DNAH8: variants seen among roughly 807,000 people sequenced by gnomAD.
DNAH8 encodes the protein axonemal beta dynein heavy chain 8.
Under a neutral mutation model 562.1 loss-of-function variants are expected in DNAH8, and 382 were observed. The observed-to-expected ratio is 0.68, with a 90% CI of 0.63 to 0.74. The LOEUF is 0.74. Ranked by LOEUF, DNAH8 falls within the 30% of genes least tolerant of loss-of-function variation. DNAH8 has a pLI of 0.00. For missense variants in DNAH8, 5,203 were observed against 5,620.4 expected (o/e 0.93, Z 2.37); for synonymous variants, 1,881 against 1,919.4 (o/e 0.98, Z 0.52).
chr6:38,820,607 A>G (rs1772733412), intron 26 of DNAH8, among the ~76,000 whole-genome samples: 1 of 152,184 alleles, frequency 6.6e-6, no homozygotes, highest in African/African-American at 2.4e-5. Context: ...AATTTAAATG[A>G]CCATGCTGAA....
At chr6:38,907,605 G>A (rs534201727) in intron 63 of DNAH8, among the ~76,000 whole-genome samples, 35 of 152,298 alleles carry the variant, frequency 2.3e-4, no homozygotes, top group African/African-American at 7.9e-4. Flanking sequence ...ATGCTTAATG[G>A]TGCAAAAATT....
chr6:38,812,723 G>T (rs1174803610), intron 24 of DNAH8, among the ~76,000 whole-genome samples: 1 of 148,330 alleles, frequency 6.7e-6, no homozygotes, highest in Admixed American at 6.9e-5. Flanking sequence ...GGCACCTAGA[G>T]AATCTCTTGA....
chr6:38,881,411 A>C (rs1778466288), intron 53 of DNAH8, among the ~76,000 whole-genome samples: 2 of 152,244 alleles, frequency 1.3e-5, no homozygotes, highest in African/African-American at 2.4e-5. Flanking sequence ...AAACGTATCA[A>C]TGAAAGTAAT....
chr6:38,900,536 A>G (rs968909360), intron 62 of DNAH8, among the ~76,000 whole-genome samples: 1 of 151,904 alleles, frequency 6.6e-6, no homozygotes, highest in East Asian at 1.9e-4. Context: ...GGTTGTACCA[A>G]TTTACACTTC....
chr6:38,920,475 C>T (rs1385094424), intron 70 of DNAH8, among the ~76,000 whole-genome samples: 2 of 152,152 alleles, frequency 1.3e-5, no homozygotes, highest in African/African-American at 4.8e-5. Flanking sequence ...CAGATCATTA[C>T]CACATTGTAG....
chr6:38,728,053 C>T (rs537567816), intron 3 of DNAH8, among the ~76,000 whole-genome samples: 1 of 152,266 alleles, frequency 6.6e-6, no homozygotes, highest in East Asian at 1.9e-4. Flanking sequence ...GCAGCCTCAA[C>T]CTCCCAGACT....
At chr6:38,982,952 T>C (rs1196205314) in intron 86 of DNAH8, among the ~76,000 whole-genome samples, 1 of 152,228 alleles carries the variant, frequency 6.6e-6, no homozygotes, top group Admixed American at 6.5e-5. Flanking sequence ...GGATCTCACT[T>C]TTATCTTCAC....
At chr6:38,955,270 G>T (rs982963060) in intron 82 of DNAH8, among the ~76,000 whole-genome samples, 4 of 151,946 alleles carry the variant, frequency 2.6e-5, no homozygotes, top group African/African-American at 9.7e-5. Context: ...CACTTCATCT[G>T]GCCCATTTTC....
At chr6:39,021,281 A>T (rs1350023625) in intron 91 of DNAH8, among the ~76,000 whole-genome samples, 1 of 152,164 alleles carries the variant, frequency 6.6e-6, no homozygotes, top group Non-Finnish European at 1.5e-5. Context: ...GAAATGCAGA[A>T]TTTCAGGCCC....
intron 4 of DNAH8, among the ~76,000 whole-genome samples, chr6:38,733,036 A>T (rs1049151903): frequency 6.6e-6 from 1 of 152,230 alleles, no homozygotes; most frequent in East Asian, 1.9e-4. Flanking sequence ...CTACAGGCAC[A>T]TGCCACCACA....
intron 6 of DNAH8, 30 bp downstream of exon 6, chr6:38,737,286 T>C: frequency 7.5e-7 from 1 of 1,328,674 alleles, no homozygotes; most frequent in East Asian, 2.7e-5. Context: ...TTTAGCAAAT[T>C]GCAAAAAAGA....
chr6:38,965,375 T>C (rs1427590555), intron 82 of DNAH8, among the ~76,000 whole-genome samples: 1 of 152,148 alleles, frequency 6.6e-6, no homozygotes, highest in Non-Finnish European at 1.5e-5. Context: ...AATTTTGAAA[T>C]GAAGGTAAGG....
intron 91 of DNAH8, 113 bp from the exon 92 acceptor site, chr6:39,026,433 A>T: frequency 8.8e-7 from 1 of 1,132,444 alleles, no homozygotes; most frequent in Non-Finnish European, 1.2e-6. Flanking sequence ...ACTCCTTTTG[A>T]GATGGATGTG....
intron 58 of DNAH8, among the ~76,000 whole-genome samples, chr6:38,891,640 C>T (rs1779347921): frequency 6.6e-6 from 1 of 152,226 alleles, no homozygotes; most frequent in Non-Finnish European, 1.5e-5. Flanking sequence ...AGGGCCTTTG[C>T]ACATGCCATT....
chr6:38,809,138 T>C (rs1771566228), intron 24 of DNAH8, among the ~76,000 whole-genome samples: 1 of 152,200 alleles, frequency 6.6e-6, no homozygotes, highest in Non-Finnish European at 1.5e-5. Flanking sequence ...CCTGTTTTTC[T>C]ATCGAATTGG....
At position 38,853,224 on chromosome 6, in the gene DNAH8, T is replaced by C. The variant is rs776691185; in HGVS notation, c.5610T>C (p.Ile1870=). 1 of 1,613,248 alleles carries C rather than the reference T, an allele frequency of 6.2e-7. No individual in the cohort carries two copies. The highest frequency in any genetic ancestry group is 8.5e-7 in the Non-Finnish European group (1 of 1,179,676). Residue 1870 remains isoleucine (I), a synonymous_variant, in exon 41 of 93, where the codon ATT becomes ATC. Coordinates refer to ENST00000327475, the MANE Select transcript of DNAH8 (RefSeq NM_001206927.2). Reference sequence around the variant, plus strand: ...TTATGGCCAAAGGTCCTGTGGAGATTTGGCTACTGGATTTGTTAAAAATGC... The same window carrying C: ...TTATGGCCAAAGGTCCTGTGGAGATCTGGCTACTGGATTTGTTAAAAATGC... ...NSVMAKGPVE[I]WLLDLLKMQM... is the part of the protein sequence containing the mutation.
At chr6:38,867,098 T>A (rs1026084602) in intron 47 of DNAH8, among the ~76,000 whole-genome samples, 2 of 152,204 alleles carry the variant, frequency 1.3e-5, no homozygotes, top group Non-Finnish European at 2.9e-5. Context: ...CAGGGAGGCA[T>A]GTACCCTTCA....
chr6:39,016,052 C>T (rs184960464), intron 91 of DNAH8, among the ~76,000 whole-genome samples: 4 of 152,322 alleles, frequency 2.6e-5, no homozygotes, highest in Admixed American at 2.6e-4. Context: ...ATAAAGATTA[C>T]AGCTACTCCA....
rs775507408 is a variant in DNAH8 at position 38,938,014 on chromosome 6, A to G, written c.11604A>G (p.Arg3868=). The G allele has an allele frequency of 6.2e-7, 1 of 1,613,870 alleles. No individual in the cohort carries two copies. The highest frequency in any genetic ancestry group is 2.2e-5 in the East Asian group (1 of 44,850). The change falls in exon 78 of 93, where the codon CGA becomes CGG. Residue 3868 remains arginine (R), a synonymous_variant. Coordinates refer to ENST00000327475, the MANE Select transcript of DNAH8 (RefSeq NM_001206927.2). ...ACGAATCTCTCATTGGTGTACTTCG[A>G]ACTACCAAGCAGACAGCAGCTGAGG... ...VDDESLIGVL[R]TTKQTAAEVS... is the part of the protein sequence containing the mutation.
Sources: allele counts gnomAD v4.1 joint callset (sites outside exome capture counted in the v4.1 genomes callset), GRCh38; gene constraint gnomAD v4.1.1; transcripts MANE v1.5; gene names NCBI Gene and HGNC (gene_info 2026-07-23, HGNC 2026-07-21).